PPP1R12B: variants seen among roughly 807,000 people sequenced by gnomAD.
PPP1R12B encodes protein phosphatase 1 regulatory subunit 12B.
Under a neutral mutation model 126.1 loss-of-function variants are expected in PPP1R12B, and 76 were observed. The ratio of observed to expected loss-of-function variants is 0.60; its 90% CI spans 0.50 to 0.73. The LOEUF (loss-of-function observed/expected upper bound fraction) is 0.73, where lower values mean the gene tolerates loss of function less well. PPP1R12B is among the 30% of genes least tolerant of loss of function. The pLI is 0.00. For synonymous variants in PPP1R12B, 356 were observed against 434.7 expected, an observed-to-expected ratio of 0.82 and a Z score of 2.25; for missense variants, 1,052 against 1,205.1, an observed-to-expected ratio of 0.87 and a Z score of 1.88.
intron 18 of PPP1R12B, among the ~76,000 whole-genome samples, chr1:202,503,259 C>G (rs1680426411): frequency 6.6e-6 from 1 of 152,142 alleles, no homozygotes; most frequent in Non-Finnish European, 1.5e-5. Context: ...GGTGAGAAAA[C>G]AGAAGGTCAA....
intron 7 of PPP1R12B, among the ~76,000 whole-genome samples, 177 bp from the exon 8 acceptor site, chr1:202,431,303 C>T (rs867942102): frequency 3.3e-5 from 5 of 152,240 alleles, no homozygotes; most frequent in Middle Eastern, 3.4e-3. Flanking sequence ...CATACTCTGT[C>T]GTCAAATACT....
At chr1:202,355,294 G>C (rs573471340) in intron 1 of PPP1R12B, among the ~76,000 whole-genome samples, 1 of 152,288 alleles carries the variant, frequency 6.6e-6, no homozygotes, top group South Asian at 2.1e-4. Flanking sequence ...TTGTAAGTCT[G>C]TACTAGAGTA....
At chr1:202,481,963 T>C (rs941338046) in intron 13 of PPP1R12B, among the ~76,000 whole-genome samples, 21 of 152,306 alleles carry the variant, frequency 1.4e-4, no homozygotes, top group African/African-American at 4.8e-4. Flanking sequence ...TTTTTTTAGA[T>C]TGCACATATT....
At chr1:202,362,742 CAAG>C (rs1301669418) in intron 1 of PPP1R12B, among the ~76,000 whole-genome samples, 1 of 151,278 alleles carries the variant, frequency 6.6e-6, no homozygotes, top group African/African-American at 2.4e-5. Context: ...TAAATTATTG[CAAG>C]AAGATTATCT....
chr1:202,538,027 C>T (rs1196576718), intron 18 of PPP1R12B, among the ~76,000 whole-genome samples: 3 of 152,186 alleles, frequency 2.0e-5, no homozygotes, highest in African/African-American at 7.2e-5. Flanking sequence ...TTGTTCTTGT[C>T]GCCCAGGCTA....
chr1:202,353,001 C>CA (rs1447304020), intron 1 of PPP1R12B, among the ~76,000 whole-genome samples: 1 of 152,192 alleles, frequency 6.6e-6, no homozygotes, highest in Admixed American at 6.5e-5. Flanking sequence ...AAGCCTTTGT[C>CA]ATTCTAGAGT....
chr1:202,547,014 GT>G (rs1300890389), intron 18 of PPP1R12B, among the ~76,000 whole-genome samples: 5 of 146,830 alleles, frequency 3.4e-5, no homozygotes, highest in Non-Finnish European at 6.1e-5. Flanking sequence ...TCAAACTTAT[GT>G]TACGGTGATG....
chr1:202,524,909 ACT>A (rs1356955059), intron 18 of PPP1R12B, among the ~76,000 whole-genome samples: 4 of 151,974 alleles, frequency 2.6e-5, no homozygotes, highest in Admixed American at 2.6e-4. Flanking sequence ...ACAGAGTCTC[ACT>A]CTGTCACCCA....
At chr1:202,580,450 A>C (rs778358807) in intron 23 of PPP1R12B, 24 bp from the exon 24 acceptor site, 2 of 1,598,264 alleles carry the variant, frequency 1.3e-6, no homozygotes, top group South Asian at 2.2e-5. Context: ...GCTCTAACTC[A>C]CCTTTCCCTC....
chr1:202,478,544 A>G lies in PPP1R12B; in HGVS notation c.1851-9989A>G, dbSNP rs916256306. Among the ~76,000 whole-genome samples the G allele has an allele frequency of 3.9e-5, 6 of 152,290 alleles. No homozygotes were observed. In the South Asian group the frequency reaches 1.0e-3, roughly 26 times the overall value. ...TTTTTTCTTAAATAGTAAAACTCTC[A>G]TATATTGACACAGGTTACAGAATAA... On this transcript the variant is annotated intron_variant, in intron 13 of 23. Coordinates refer to ENST00000608999, the MANE Select transcript of PPP1R12B (RefSeq NM_002481.4).
chr1:202,389,635 A>G (rs1663773963), intron 1 of PPP1R12B, among the ~76,000 whole-genome samples: 2 of 151,412 alleles, frequency 1.3e-5, no homozygotes, highest in Admixed American at 6.6e-5. Context: ...TAATAAACAT[A>G]TGAGATAATA....
At chr1:202,555,920 G>C (rs1686881092) in intron 18 of PPP1R12B, among the ~76,000 whole-genome samples, 1 of 149,282 alleles carries the variant, frequency 6.7e-6, no homozygotes, top group African/African-American at 2.5e-5. Context: ...CTGTCTCCCA[G>C]GCTGGAGTGC....
intron 1 of PPP1R12B, among the ~76,000 whole-genome samples, chr1:202,354,992 A>AT (rs1191481157): frequency 4.0e-5 from 6 of 151,584 alleles, no homozygotes; most frequent in South Asian, 2.1e-4. Flanking sequence ...TGCGCAGCTA[A>AT]TTTTTTTTGT....
At chr1:202,399,264 G>T (rs1299762644) in intron 1 of PPP1R12B, among the ~76,000 whole-genome samples, 1 of 152,056 alleles carries the variant, frequency 6.6e-6, no homozygotes, top group East Asian at 1.9e-4. Flanking sequence ...CTGTCACCTA[G>T]GGCTGCAGTG....
chr1:202,454,481 C>T (rs755520264), intron 13 of PPP1R12B, among the ~76,000 whole-genome samples: 1 of 152,190 alleles, frequency 6.6e-6, no homozygotes, highest in Non-Finnish European at 1.5e-5. Flanking sequence ...CTATGAGAAG[C>T]CCAGGTGATA....
chr1:202,492,904 T>G (rs1679077615), intron 14 of PPP1R12B, among the ~76,000 whole-genome samples: 1 of 152,216 alleles, frequency 6.6e-6, no homozygotes, highest in African/African-American at 2.4e-5. Flanking sequence ...AGTATTACAT[T>G]TAAAATGTAC....
intron 1 of PPP1R12B, among the ~76,000 whole-genome samples, chr1:202,404,443 A>C (rs1324140704): frequency 1.3e-5 from 2 of 151,860 alleles, no homozygotes; most frequent in Non-Finnish European, 2.9e-5. Context: ...CTGCTGTTTC[A>C]GTGTTCTCTT....
At chr1:202,446,254 A>ATG (rs879273755) in intron 12 of PPP1R12B, among the ~76,000 whole-genome samples, 1 of 47,190 alleles carries the variant, frequency 2.1e-5, no homozygotes, top group Admixed American at 3.1e-4. Flanking sequence ...ATATATATAT[A>ATG]TATTTTTTTT....
In PPP1R12B at chr1:202,578,871, G is replaced by A. The variant is rs369254173; in HGVS notation, c.2863-1603G>A. 6.6e-5 allele frequency among the ~76,000 whole-genome samples: 10 copies of A among 152,282 alleles called. No homozygotes were observed. The East Asian group carries it at 1.3e-3, about 21-fold the overall frequency. On this transcript the variant is annotated intron_variant, in intron 23 of 23. Transcript: ENST00000608999. ...GATCACTAGTGACAAAGACAATGCTGGAATTTCAGTTTCTAGGCGTCAAAC... is the reference window on the plus strand; with the variant it reads ...GATCACTAGTGACAAAGACAATGCTAGAATTTCAGTTTCTAGGCGTCAAAC...
Sources: gnomAD v4.1 joint callset for allele counts (sites outside exome capture counted in the v4.1 genomes callset) on GRCh38, gnomAD v4.1.1 for gene constraint, MANE v1.5 for transcripts, NCBI Gene and HGNC (gene_info 2026-07-23, HGNC 2026-07-21) for gene names.